GINS2: variants seen among roughly 807,000 people sequenced by gnomAD.
The protein encoded by GINS2 is DNA replication complex GINS protein PSF2.
Under a neutral mutation model 21.2 loss-of-function variants are expected in GINS2, and 23 were observed. That is an observed-to-expected ratio of 1.08 (90% CI 0.78 to 1.53). GINS2 has a LOEUF of 1.53. Ranked by LOEUF, GINS2 falls within the 40% of genes most tolerant of loss-of-function variation. The probability of loss-of-function intolerance (pLI) is 0.00; values close to 1 mark genes in which losing one functional copy is unlikely to be tolerated. For synonymous variants in GINS2, 118 were observed against 85.6 expected, an observed-to-expected ratio of 1.38 and a Z score of -2.09; for missense variants, 323 against 233.9, an observed-to-expected ratio of 1.38 and a Z score of -2.49.
Position 85,678,054 on chromosome 16 carries a change from C to A in GINS2, c.*158G>T, listed in dbSNP as rs1176397109. On this transcript the variant is annotated 3_prime_UTR_variant, in exon 5 of 5. Transcript: ENST00000253462. ...AGGGAGCTAAGTTTTAAGGACTAATCACAAACTTGTTTCTCCAACAACATC... is the reference window on the plus strand; with the variant it reads ...AGGGAGCTAAGTTTTAAGGACTAATAACAAACTTGTTTCTCCAACAACATC... The A allele has an allele frequency of 3.0e-6, 2 of 669,040 alleles. No homozygotes were observed. The highest frequency in any genetic ancestry group is 5.1e-6 in the Non-Finnish European group (2 of 388,598). 41.4% of individuals were successfully genotyped at this position (669,040 alleles called of 1,614,324 possible).
intron 3 of GINS2, among the ~76,000 whole-genome samples, 192 bp downstream of exon 3, chr16:85,681,390 G>C (rs1411054186): frequency 1.3e-5 from 2 of 152,218 alleles, no homozygotes; most frequent in African/African-American, 4.8e-5. Flanking sequence ...GACACACAGA[G>C]ACAGACAGAG....
chr16:85,678,132 T>C lies in GINS2; in HGVS notation c.*80A>G. On this transcript the variant is annotated 3_prime_UTR_variant, in exon 5 of 5. Coordinates refer to ENST00000253462, the MANE Select transcript of GINS2 (RefSeq NM_016095.3). The stretch of plus-strand genomic sequence containing the variant: ...ATTTTTCATGCATCAGAAGTGTTTC[T>C]AGAGCTCCAGAACCACGAGTACCTC... 1 of 1,283,224 alleles carries C rather than the reference T, an allele frequency of 7.8e-7. No individual in the cohort carries two copies. The allele number at this position is 1,283,224 out of a possible 1,614,324, so 79.5% of individuals were successfully genotyped here. A position where few individuals can be genotyped will look rare whatever the true frequency, so the allele number is the denominator to read the frequency against.
chr16:85,681,867 T>C (rs149447262), intron 2 of GINS2, among the ~76,000 whole-genome samples, 186 bp from the exon 3 acceptor site: 4 of 152,248 alleles, frequency 2.6e-5, no homozygotes, highest in African/African-American at 9.6e-5. Context: ...CTTGAAACTT[T>C]CTCTCCAAAA....
At chr16:85,684,323 G>A (rs1598761649) in intron 2 of GINS2, among the ~76,000 whole-genome samples, 1 of 152,084 alleles carries the variant, frequency 6.6e-6, no homozygotes, top group African/African-American at 2.4e-5. Context: ...ATCAGAGCGA[G>A]AGACTGTCTC....
chr16:85,684,026 T>C (rs768942490), intron 2 of GINS2, among the ~76,000 whole-genome samples: 4 of 152,186 alleles, frequency 2.6e-5, no homozygotes, highest in Non-Finnish European at 5.9e-5. Flanking sequence ...TGAAAAGACG[T>C]GGACAAGAAT....
In GINS2 at chr16:85,678,354, G is replaced by A; in HGVS notation, c.433-17C>T. On this transcript the variant is annotated splice_polypyrimidine_tract_variant and intron_variant, in intron 4 of 4. Coordinates refer to ENST00000253462, the MANE Select transcript of GINS2 (RefSeq NM_016095.3). The stretch of plus-strand genomic sequence containing the variant: ...GTTATCCAGCTAAAGCAAGAAAACA[G>A]ACCAAGTTGGCCAAGGAGTTTTTGA... 6.2e-7 allele frequency: 1 copy of A among 1,613,144 alleles called. No homozygotes were observed. Among genetic ancestry groups the A allele is most frequent in the Non-Finnish European group, 8.5e-7 (1 of 1,179,602 alleles).
chr16:85,687,382 G>A, intron 2 of GINS2, 78 bp downstream of exon 2: 2 of 746,136 alleles, frequency 2.7e-6, no homozygotes, highest in Non-Finnish European at 4.3e-6. Flanking sequence ...GAGGCCCCAT[G>A]CCTCCACCCC....
intron 3 of GINS2, among the ~76,000 whole-genome samples, chr16:85,681,147 G>C (rs2053728820): frequency 6.6e-6 from 1 of 152,190 alleles, no homozygotes; most frequent in Non-Finnish European, 1.5e-5. Flanking sequence ...TCCTGCGAAA[G>C]ACACAAAAAA....
Position 85,678,207 on chromosome 16 carries a change from T to A in GINS2, c.*5A>T. 8.7e-6 allele frequency: 14 copies of A among 1,612,738 alleles called. No individual in the cohort carries two copies. Among genetic ancestry groups the A allele is most frequent in the Non-Finnish European group, 1.0e-5 (12 of 1,179,748 alleles). ...CCCAGCAAGCCGCCTGCACCAGGCC[T>A]TTCTCTAGAAGTCCTGAGACTGAGT... On this transcript the variant is annotated 3_prime_UTR_variant, in exon 5 of 5. Coordinates refer to ENST00000253462, the MANE Select transcript of GINS2 (RefSeq NM_016095.3).
rs1435761521 is a variant in GINS2, at chr16:85,676,698, A to G, written c.*1514T>C. 6.6e-6 allele frequency: 1 copy of G among 152,314 alleles called. No homozygotes were observed. The allele number at this position is 152,314 out of a possible 1,614,324, so 9.4% of individuals were successfully genotyped here. ...CTTTTGGCCCACTGGTGTCCAGCCAAAAATAGGCTGGCCAGGCATGGCGGC... is the reference window on the plus strand; with the variant it reads ...CTTTTGGCCCACTGGTGTCCAGCCAGAAATAGGCTGGCCAGGCATGGCGGC... On this transcript the variant is annotated 3_prime_UTR_variant, in exon 5 of 5. Transcript: ENST00000253462.
chr16:85,678,131 C>G lies in GINS2; in HGVS notation c.*81G>C. 1 of 1,270,878 alleles carries G rather than the reference C, an allele frequency of 7.9e-7. No individual in the cohort carries two copies. The highest frequency in any genetic ancestry group is 1.1e-6 in the Non-Finnish European group (1 of 891,178). The allele number at this position is 1,270,878 out of a possible 1,614,324, so 78.7% of individuals were successfully genotyped here. On this transcript the variant is annotated 3_prime_UTR_variant, in exon 5 of 5. Transcript: ENST00000253462. Reference sequence around the variant, plus strand: ...CATTTTTCATGCATCAGAAGTGTTTCTAGAGCTCCAGAACCACGAGTACCT... The same window carrying G: ...CATTTTTCATGCATCAGAAGTGTTTGTAGAGCTCCAGAACCACGAGTACCT...
At chr16:85,685,770 G>A (rs1013972114) in intron 2 of GINS2, among the ~76,000 whole-genome samples, 1 of 151,462 alleles carries the variant, frequency 6.6e-6, no homozygotes, top group Admixed American at 6.6e-5. Flanking sequence ...AGGACAGGGA[G>A]CAAGGGGAAG....
rs909603835 is a variant in GINS2 at position 85,677,973 on chromosome 16, A to C, written c.*239T>G. The C allele has an allele frequency of 4.0e-5, 18 of 454,714 alleles. No homozygotes were observed. The highest frequency in any genetic ancestry group is 3.2e-4 in the African/African-American group (16 of 49,790). The allele number at this position is 454,714 out of a possible 1,614,324, so 28.2% of individuals were successfully genotyped here. A position where few individuals can be genotyped will look rare whatever the true frequency, so the allele number is the denominator to read the frequency against. On this transcript the variant is annotated 3_prime_UTR_variant, in exon 5 of 5. Coordinates refer to ENST00000253462, the MANE Select transcript of GINS2 (RefSeq NM_016095.3). ...ACCTAAGGCTTTTTTATTTCTCAAAAGTGGGGGGAAAAAGGGCTGGTTTCT... is the reference window on the plus strand; with the variant it reads ...ACCTAAGGCTTTTTTATTTCTCAAACGTGGGGGGAAAAAGGGCTGGTTTCT...
Position 85,678,144 on chromosome 16 carries a change from A to G in GINS2, c.*68T>C. 2 of 1,454,290 alleles carry G rather than the reference A, an allele frequency of 1.4e-6. No homozygotes were observed. Among genetic ancestry groups the G allele is most frequent in the Non-Finnish European group, 1.9e-6 (2 of 1,051,204 alleles). The allele number at this position is 1,454,290 out of a possible 1,614,324, so 90.1% of individuals were successfully genotyped here. On this transcript the variant is annotated 3_prime_UTR_variant, in exon 5 of 5. Coordinates refer to ENST00000253462, the MANE Select transcript of GINS2 (RefSeq NM_016095.3). ...TCAGAAGTGTTTCTAGAGCTCCAGA[A>G]CCACGAGTACCTCATCACGTCCTGA...
intron 2 of GINS2, among the ~76,000 whole-genome samples, chr16:85,685,282 G>A (rs934345900): frequency 1.8e-4 from 28 of 152,280 alleles, no homozygotes; most frequent in Admixed American, 1.8e-3. Flanking sequence ...GTTATCACCT[G>A]GGGTCTAGAT....
intron 3 of GINS2, among the ~76,000 whole-genome samples, chr16:85,680,829 C>T (rs2053726112): frequency 6.6e-6 from 1 of 152,162 alleles, no homozygotes; most frequent in African/African-American, 2.4e-5. Context: ...AGCCTGAGCC[C>T]TCCAGAAGCA....
chr16:85,681,241 G>A (rs1247663724), intron 3 of GINS2, among the ~76,000 whole-genome samples: 3 of 152,358 alleles, frequency 2.0e-5, no homozygotes, highest in Non-Finnish European at 2.9e-5. Flanking sequence ...GGCTACTGCC[G>A]ATTCTGTGAG....
At position 85,687,545 on chromosome 16, in the gene GINS2, T is replaced by A; in HGVS notation, c.120A>T (p.Leu40Phe). Residue 40 changes from leucine (L) to phenylalanine (F), a missense_variant, in exon 2 of 5, where the codon TTA becomes TTT. Coordinates refer to ENST00000253462, the MANE Select transcript of GINS2 (RefSeq NM_016095.3). ...GGDLGPFNPGLPVEVPLWLAI... is the reference protein window; with the variant it reads ...GGDLGPFNPGFPVEVPLWLAI... ...CCAGCCACAGGGGCACTTCCACGGG[T>A]AAACCAGGGTTAAAAGGCCCCAGGT... The A allele has an allele frequency of 6.3e-7, 1 of 1,586,628 alleles. No individual in the cohort carries two copies. Among genetic ancestry groups the A allele is most frequent in the Non-Finnish European group, 8.5e-7 (1 of 1,170,428 alleles).
chr16:85,681,660 T>C lies in GINS2; in HGVS notation c.227A>G (p.Asp76Gly). Residue 76 changes from aspartate (D) to glycine (G), a missense_variant, in exon 3 of 5, where the codon GAT becomes GGT. Transcript: ENST00000253462. ...AAAAGTTTCTTCCTTTCGTTCATGA[T>C]CCCTCATCTTCTCCAACTTTTCTGA... ...MDVEKLEKMR[D>G]HERKEETFTP... The C allele has an allele frequency of 1.2e-6, 2 of 1,607,538 alleles. No homozygotes were observed. Among genetic ancestry groups the C allele is most frequent in the Non-Finnish European group, 1.7e-6 (2 of 1,174,232 alleles).
Sources: gnomAD v4.1 joint callset for allele counts (sites outside exome capture counted in the v4.1 genomes callset) on GRCh38, gnomAD v4.1.1 for gene constraint, MANE v1.5 for transcripts, NCBI Gene and HGNC (gene_info 2026-07-23, HGNC 2026-07-21) for gene names.